The following ZFHX3 variants were observed in gnomAD, a reference collection of about 807,000 sequenced individuals.
ZFHX3 encodes zinc finger homeobox 3, also known as zinc finger homeobox protein 3.
ZFHX3 carries 42 observed loss-of-function variants against 279.1 expected under a neutral mutation model. The ratio of observed to expected loss-of-function variants is 0.15; its 90% confidence interval spans 0.12 to 0.19. The LOEUF is 0.19. ZFHX3 is among the 10% of genes least tolerant of loss of function. The probability of loss-of-function intolerance (pLI) is 1.00; values close to 1 mark genes in which losing one functional copy is unlikely to be tolerated. For missense variants in ZFHX3, 4,981 were observed against 4,754.0 expected, an observed-to-expected ratio of 1.05 and a Z score of -1.40; for synonymous variants, 2,293 against 1,957.8, an observed-to-expected ratio of 1.17 and a Z score of -4.52.
At chr16:72,925,279 C>T (rs559693130) in intron 3 of ZFHX3, among the ~76,000 whole-genome samples, 1 of 152,220 alleles carries the variant, frequency 6.6e-6, no homozygotes, top group Non-Finnish European at 1.5e-5. Context: ...CCTTGCCCAC[C>T]GTCAATGCAG....
intron 5 of ZFHX3, among the ~76,000 whole-genome samples, chr16:73,161,477 G>C (rs924730583): frequency 1.3e-5 from 2 of 152,184 alleles, no homozygotes; most frequent in African/African-American, 4.8e-5. Context: ...TTGTGGAAGG[G>C]ATTATATGTC....
chr16:73,514,836 G>A (rs542709321), intron 2 of ZFHX3, among the ~76,000 whole-genome samples: 2 of 152,234 alleles, frequency 1.3e-5, no homozygotes, highest in South Asian at 4.1e-4. Flanking sequence ...GAGTGAATGA[G>A]CTGACATGAA....
chr16:73,217,641 G>C (rs1454040644), intron 5 of ZFHX3, among the ~76,000 whole-genome samples: 1 of 152,028 alleles, frequency 6.6e-6, no homozygotes, highest in African/African-American at 2.4e-5. Context: ...ATGTACCCTG[G>C]TAATGAAAAA....
intron 1 of ZFHX3, among the ~76,000 whole-genome samples, chr16:73,737,219 T>C (rs1476825199): frequency 6.6e-6 from 1 of 152,128 alleles, no homozygotes; most frequent in Non-Finnish European, 1.5e-5. Flanking sequence ...TAATTTATTG[T>C]AGAGACAGGG....
chr16:72,793,629 C>CTCGTTTG lies in ZFHX3; in HGVS notation c.9046_9052dup (p.Ser3018ThrfsTer5). On this transcript the variant is annotated frameshift_variant, in exon 9 of 10. Coordinates refer to ENST00000268489, the MANE Select transcript of ZFHX3 (RefSeq NM_006885.4). LOFTEE classifies it high-confidence loss of function. This position sits in a 1 kb window ranked among gnomAD's most constrained non-coding sequence, Gnocchi z 4.3. ...GCACTCTGTTTTGGGTCCCTCATAACTCGTTTGGTTTATACCAAAATGCTT... is the reference window on the plus strand; with the variant it reads ...GCACTCTGTTTTGGGTCCCTCATAACTCGTTTGTCGTTTGGTTTATACCAAAATGCTT... 1 of 1,614,188 alleles carries CTCGTTTG rather than the reference C, an allele frequency of 6.2e-7. No individual in the cohort carries two copies. Among genetic ancestry groups the CTCGTTTG allele is most frequent in the Non-Finnish European group, 8.5e-7 (1 of 1,180,032 alleles).
chr16:73,716,744 G>A (rs2053420129), intron 1 of ZFHX3, among the ~76,000 whole-genome samples: 1 of 151,998 alleles, frequency 6.6e-6, no homozygotes, highest in Non-Finnish European at 1.5e-5. Context: ...GGCTTCCCCT[G>A]TCTTCTGCAT....
intron 3 of ZFHX3, among the ~76,000 whole-genome samples, chr16:73,380,479 A>G (rs2016801567): frequency 1.3e-5 from 2 of 152,224 alleles, no homozygotes; most frequent in African/African-American, 4.8e-5. Flanking sequence ...AGATAAAATT[A>G]TCACTTTTGT....
chr16:73,501,357 T>A (rs1002193591), intron 2 of ZFHX3, among the ~76,000 whole-genome samples: 1 of 152,250 alleles, frequency 6.6e-6, no homozygotes, highest in African/African-American at 2.4e-5. Flanking sequence ...TACAGACAAT[T>A]TGAGACTGTG....
At chr16:73,240,985 GCA>G (rs2013104269) in intron 5 of ZFHX3, among the ~76,000 whole-genome samples, 3 of 152,108 alleles carry the variant, frequency 2.0e-5, no homozygotes, top group Admixed American at 2.0e-4. Flanking sequence ...TAAATAATTG[GCA>G]CTCACCAGAA....
At position 73,713,258 on chromosome 16, in the gene ZFHX3, G is replaced by A. The variant is rs940910952; in HGVS notation, c.-1607-33018C>T. 7.2e-5 allele frequency among the ~76,000 whole-genome samples: 11 copies of A among 152,198 alleles called. No individual in the cohort carries two copies. In the East Asian group the frequency reaches 1.4e-3, roughly 19 times the overall value. On this transcript the variant is annotated intron_variant, in intron 1 of 17. Transcript: ENST00000641206. ...AGGCCTCTCCGGAACATGCATTCCC[G>A]TCCCACTCAAACAAAAGAGCTGCGA...
chr16:73,565,356 C>T (rs1468101137), intron 2 of ZFHX3, among the ~76,000 whole-genome samples: 4 of 152,132 alleles, frequency 2.6e-5, no homozygotes, highest in African/African-American at 9.7e-5. Flanking sequence ...TTTAGTTTCA[C>T]ATTGATGGCA....
intron 3 of ZFHX3, among the ~76,000 whole-genome samples, chr16:72,924,172 A>G (rs1180672047): frequency 6.6e-6 from 1 of 152,218 alleles, no homozygotes; most frequent in Non-Finnish European, 1.5e-5. Flanking sequence ...TTGAAGCCAC[A>G]TAAAACAATT....
intron 2 of ZFHX3, among the ~76,000 whole-genome samples, chr16:73,598,157 G>C (rs531936907): frequency 6.6e-6 from 1 of 152,242 alleles, no homozygotes; most frequent in East Asian, 1.9e-4. Context: ...AGGACAGTTG[G>C]GGAAGGCAGG....
At chr16:73,174,005 C>T (rs557031183) in intron 5 of ZFHX3, among the ~76,000 whole-genome samples, 19 of 152,284 alleles carry the variant, frequency 1.2e-4, no homozygotes, top group African/African-American at 4.6e-4. Flanking sequence ...TGAAAATAAA[C>T]TTTGCAGTTA....
upstream of ZFHX3, among the ~76,000 whole-genome samples, chr16:73,051,500 A>G (rs1965449569): frequency 1.3e-5 from 2 of 151,846 alleles, no homozygotes; most frequent in Admixed American, 1.3e-4. Flanking sequence ...TTTGATTCAC[A>G]TTTTTCTGCT....
intron 2 of ZFHX3, among the ~76,000 whole-genome samples, chr16:73,526,301 A>T (rs972096329): frequency 1.3e-5 from 2 of 152,228 alleles, no homozygotes; most frequent in Non-Finnish European, 2.9e-5. Flanking sequence ...GACAGGCCCA[A>T]TGAGGGCCAG....
At chr16:73,872,496 A>C (rs1046361909) in intron 1 of ZFHX3, among the ~76,000 whole-genome samples, 21 of 151,766 alleles carry the variant, frequency 1.4e-4, no homozygotes, top group African/African-American at 5.1e-4. Context: ...CAGCCTCCCA[A>C]ATTGCTGGGA....
At chr16:73,481,809 G>A (rs868322529) in intron 2 of ZFHX3, among the ~76,000 whole-genome samples, 31 of 152,152 alleles carry the variant, frequency 2.0e-4, no homozygotes, top group African/African-American at 6.5e-4. Context: ...CCACATTTTA[G>A]ATGTCAGTTT....
At chr16:73,382,727 T>C (rs1047410513) in intron 3 of ZFHX3, among the ~76,000 whole-genome samples, 2 of 152,246 alleles carry the variant, frequency 1.3e-5, no homozygotes, top group Admixed American at 1.3e-4. Context: ...CCAAGTGTCC[T>C]TGAGCTGACT....
Sources: allele counts gnomAD v4.1 joint callset (sites outside exome capture counted in the v4.1 genomes callset), GRCh38; gene constraint gnomAD v4.1.1; non-coding constraint Gnocchi (gnomAD v3.1); transcripts MANE v1.5; gene names NCBI Gene and HGNC (gene_info 2026-07-23, HGNC 2026-07-21).